Variants in PDIA3 observed in about 807,000 individuals in gnomAD.
The protein encoded by PDIA3 is protein disulfide-isomerase A3.
PDIA3 carries 16 observed loss-of-function variants against 56.9 expected under a neutral mutation model. That is an observed-to-expected ratio of 0.28 (90% CI 0.19 to 0.43). The LOEUF (loss-of-function observed/expected upper bound fraction) is 0.43, where lower values mean the gene tolerates loss of function less well. PDIA3 is among the 20% of genes least tolerant of loss of function. The probability of loss-of-function intolerance (pLI) is 1.00; values close to 1 mark genes in which losing one functional copy is unlikely to be tolerated. For missense variants in PDIA3, 485 were observed against 621.3 expected (o/e 0.78, Z 2.33); for synonymous variants, 192 against 216.5 (o/e 0.89, Z 0.99).
At chr15:43,753,680 ATGT>A (rs1285349046) in intron 1 of PDIA3, 141 bp from the exon 2 acceptor site, 2 of 622,890 alleles carry the variant, frequency 3.2e-6, no homozygotes, top group Non-Finnish European at 2.9e-6. Context: ...ACAATAATGA[ATGT>A]TGTTCATGTG....
intron 3 of PDIA3, among the ~76,000 whole-genome samples, chr15:43,760,506 A>T (rs1414090755): frequency 6.6e-6 from 1 of 151,016 alleles, no homozygotes; most frequent in Non-Finnish European, 1.5e-5. Context: ...TGCATTGTAA[A>T]CAATGTTTCT....
chr15:43,757,828 C>G (rs1270219457), intron 3 of PDIA3, among the ~76,000 whole-genome samples: 1 of 151,446 alleles, frequency 6.6e-6, no homozygotes, highest in Non-Finnish European at 1.5e-5. Context: ...TGTCACAGCA[C>G]TCCAGCCTGG....
chr15:43,765,669 G>C, intron 6 of PDIA3, 103 bp downstream of exon 6: 5 of 897,382 alleles, frequency 5.6e-6, no homozygotes, highest in Non-Finnish European at 9.0e-6. Flanking sequence ...CAGTCTATTT[G>C]GGGGGATTGT....
intron 1 of PDIA3, among the ~76,000 whole-genome samples, chr15:43,749,231 T>G (rs939031780): frequency 2.6e-5 from 4 of 152,018 alleles, no homozygotes; most frequent in African/African-American, 9.7e-5. Flanking sequence ...GTAGCTGGGA[T>G]TACAGGCACG....
chr15:43,765,330 A>G (rs1436762289), intron 5 of PDIA3, 120 bp from the exon 6 acceptor site: 1 of 704,840 alleles, frequency 1.4e-6, no homozygotes, highest in South Asian at 1.7e-5. Flanking sequence ...ACAGTGAGCT[A>G]TAATCACACC....
Position 43,766,840 on chromosome 15 carries a change from G to A in PDIA3, c.958G>A (p.Ala320Thr). The A allele has an allele frequency of 6.2e-7, 1 of 1,613,838 alleles. No individual in the cohort carries two copies. The highest frequency in any genetic ancestry group is 8.5e-7 in the Non-Finnish European group (1 of 1,179,702). The change falls in exon 8 of 13, where the codon GCT becomes ACT. Residue 320 changes from alanine to threonine, a missense_variant. Physicochemically the swap from Ala to Thr is moderately conservative, Grantham distance 58. Transcript: ENST00000300289. ...ELSDFGLEST[A>T]GEIPVVAIRT... is the part of the protein sequence containing the mutation. ...TTCTGATTTTGGCTTGGAGAGCACT[G>A]CTGGAGAGATTCCTGTTGTTGCTAT...
intron 1 of PDIA3, among the ~76,000 whole-genome samples, chr15:43,750,483 A>G (rs534120554): frequency 7.2e-5 from 11 of 151,852 alleles, no homozygotes; most frequent in African/African-American, 2.7e-4. Flanking sequence ...AATATGTAAT[A>G]TTAAGTCCTT....
At chr15:43,755,096 A>C (rs2086769914) in intron 2 of PDIA3, among the ~76,000 whole-genome samples, 1 of 151,872 alleles carries the variant, frequency 6.6e-6, no homozygotes, top group Admixed American at 6.6e-5. Flanking sequence ...CAGGCTGAGG[A>C]GGGCGGATCA....
Position 43,768,616 on chromosome 15 carries a change from C to T in PDIA3, c.1137+19C>T. 2.0e-6 allele frequency: 3 copies of T among 1,489,216 alleles called. No homozygotes were observed. The highest frequency in any genetic ancestry group is 1.1e-5 in the South Asian group (1 of 88,678). 92.3% of individuals were successfully genotyped at this position (1,489,216 alleles called of 1,614,324 possible). On this transcript the variant is annotated intron_variant, in intron 9 of 12. Transcript: ENST00000300289. ...TGTGAAGGTGAGGTGCTCACAGCCT[C>T]ATCAAGCTATGAGCAATTGCCTGTC...
chr15:43,749,361 T>C (rs1242843759), intron 1 of PDIA3, among the ~76,000 whole-genome samples: 5 of 152,212 alleles, frequency 3.3e-5, no homozygotes, highest in African/African-American at 4.8e-5. Flanking sequence ...AGTGCTGGGA[T>C]TACAGGCGTG....
At chr15:43,756,463 C>T (rs1002110527) in intron 2 of PDIA3, among the ~76,000 whole-genome samples, 186 bp from the exon 3 acceptor site, 3 of 152,166 alleles carry the variant, frequency 2.0e-5, no homozygotes, top group Non-Finnish European at 4.4e-5. Flanking sequence ...TTAAAGAATT[C>T]CTTAGGCAGT....
intron 12 of PDIA3, 79 bp from the exon 13 acceptor site, chr15:43,771,026 C>T (rs760390269): frequency 4.7e-5 from 41 of 878,864 alleles, no homozygotes; most frequent in Non-Finnish European, 6.7e-5. Flanking sequence ...TTTACAAACT[C>T]AGAAGTCTTC....
chr15:43,770,046 A>G (rs530736677), intron 10 of PDIA3, among the ~76,000 whole-genome samples: 10 of 152,224 alleles, frequency 6.6e-5, no homozygotes, highest in African/African-American at 2.2e-4. Context: ...GCTTGTGGAA[A>G]GTGAGGTACT....
At chr15:43,753,713 G>A in intron 1 of PDIA3, 111 bp from the exon 2 acceptor site, 1 of 746,330 alleles carries the variant, frequency 1.3e-6, no homozygotes, top group Non-Finnish European at 2.3e-6. Flanking sequence ...CTTTTTGGAA[G>A]TGTCTACTAG....
Position 43,765,518 on chromosome 15 carries a change from A to G in PDIA3, c.671A>G (p.Glu224Gly). 6.2e-7 allele frequency: 1 copy of G among 1,612,734 alleles called. No individual in the cohort carries two copies. Among genetic ancestry groups the G allele is most frequent in the Non-Finnish European group, 8.5e-7 (1 of 1,179,086 alleles). Residue 224 changes from glutamate to glycine, a missense_variant, in exon 6 of 13, where the codon GAG becomes GGG. Glu to Gly is a moderately conservative substitution (Grantham distance 98, BLOSUM62 -2). Coordinates refer to ENST00000300289, the MANE Select transcript of PDIA3 (RefSeq NM_005313.5). ...GAGGACAAGACTGTGGCATATACAGAGCAAAAAATGACCAGTGGCAAAATT... is the reference window on the plus strand; with the variant it reads ...GAGGACAAGACTGTGGCATATACAGGGCAAAAAATGACCAGTGGCAAAATT... Reference protein sequence around the residue: ...KFEDKTVAYTEQKMTSGKIKK... With the variant: ...KFEDKTVAYTGQKMTSGKIKK...
chr15:43,755,651 C>T lies in PDIA3; in HGVS notation c.247-998C>T, dbSNP rs137939107. On this transcript the variant is annotated intron_variant, in intron 2 of 12. Transcript: ENST00000300289. The stretch of plus-strand genomic sequence containing the variant: ...AATCATAGCCAGGCGCTGTGGCTCA[C>T]GCCTGTAATCCCAGCACTTTGGGAG... Among the ~76,000 whole-genome samples the T allele has an allele frequency of 3.4e-3, 512 of 152,250 alleles. 5 individuals are homozygous for T. Among genetic ancestry groups the T allele is most frequent in the African/African-American group, 0.012 (483 of 41,552 alleles).
intron 5 of PDIA3, 71 bp from the exon 6 acceptor site, chr15:43,765,379 T>C: frequency 1.2e-6 from 1 of 868,120 alleles, no homozygotes; most frequent in East Asian, 2.4e-5. Flanking sequence ...AAACCCTATC[T>C]CAAAAAAAAA....
At chr15:43,746,787 C>T in intron 1 of PDIA3, 81 bp downstream of exon 1, 1 of 1,472,988 alleles carries the variant, frequency 6.8e-7, no homozygotes, top group South Asian at 1.1e-5. Flanking sequence ...TGGGCCTACG[C>T]AGCGCCGGGG....
rs542388662 is a variant in PDIA3 at position 43,748,245 on chromosome 15, A to T, written c.167+1539A>T. Among the ~76,000 whole-genome samples, 8 of 152,308 alleles carry T rather than the reference A, an allele frequency of 5.3e-5. No homozygotes were observed. The South Asian group carries it at 1.7e-3, about 32-fold the overall frequency. ...GTAATCCCAGCACTTTGGGAGGCCG[A>T]GGCAGGCGGATCACCTGAGGTCGGG... On this transcript the variant is annotated intron_variant, in intron 1 of 12. Coordinates refer to ENST00000300289, the MANE Select transcript of PDIA3 (RefSeq NM_005313.5).
Sources: gnomAD v4.1 joint callset for allele counts (sites outside exome capture counted in the v4.1 genomes callset) on GRCh38, gnomAD v4.1.1 for gene constraint, MANE v1.5 for transcripts, NCBI Gene and HGNC (gene_info 2026-07-23, HGNC 2026-07-21) for gene names.